HEATR4: variants seen among roughly 807,000 people sequenced by gnomAD.
HEATR4 encodes the protein HEAT repeat-containing protein 4.
HEATR4 carries 95 observed loss-of-function variants against 108.8 expected under a neutral mutation model. The observed-to-expected ratio is 0.87, with a 90% CI of 0.74 to 1.04. The LOEUF is 1.04. Ranked by LOEUF, HEATR4 falls within the 50% of genes least tolerant of loss-of-function variation. The probability of loss-of-function intolerance (pLI) is 0.00; values close to 1 mark genes in which losing one functional copy is unlikely to be tolerated. For missense variants in HEATR4, 1,152 were observed against 1,253.8 expected, an observed-to-expected ratio of 0.92 and a Z score of 1.23; for synonymous variants, 443 against 459.4, an observed-to-expected ratio of 0.96 and a Z score of 0.46.
rs866713722 is a variant in HEATR4, at chr14:73,531,971, G to A, written c.-151-1727C>T. Among the ~76,000 whole-genome samples the A allele has an allele frequency of 8.4e-4, 97 of 115,152 alleles. 20 individuals carry two copies. Among genetic ancestry groups the A allele is most frequent in the African/African-American group, 2.6e-3 (94 of 35,516 alleles). The allele number at this position is 115,152 out of a possible 152,430, so 75.5% of individuals were successfully genotyped here. ...CGCCTGGACCCAGGAAGCAGAGGTT[G>A]CAGTGAGCCAAGATCAGGCCATTGC... is the stretch of plus-strand genomic sequence containing the variant. On this transcript the variant is annotated intron_variant, in intron 1 of 17. Transcript: ENST00000553558.
the HEATR4 span, among the ~76,000 whole-genome samples, chr14:73,594,371 G>C: frequency 6.6e-6 from 1 of 152,306 alleles, no homozygotes; most frequent in East Asian, 1.9e-4. Context: ...ACTATTGGAT[G>C]CATTGCCACA....
intron 1 of HEATR4, among the ~76,000 whole-genome samples, chr14:73,538,934 C>G (rs2140311573): frequency 8.7e-6 from 1 of 115,452 alleles, no homozygotes; most frequent in African/African-American, 2.8e-5. Context: ...CGCCATTGTA[C>G]TCCAGCCTGG....
At chr14:73,491,346 C>G in intron 17 of HEATR4, 1 of 1,440,070 alleles carries the variant, frequency 6.9e-7, no homozygotes, top group Non-Finnish European at 9.1e-7. Context: ...GAGGCCTCGC[C>G]CGCCGCGCGC....
chr14:73,593,764 C>A, the HEATR4 span: 2 of 1,613,778 alleles, frequency 1.2e-6, no homozygotes, highest in Non-Finnish European at 1.7e-6. Context: ...CTTGGAATAT[C>A]GAGCCAGCCT....
chr14:73,594,706 T>TTATTTATTTATC, the HEATR4 span, among the ~76,000 whole-genome samples: 38 of 150,942 alleles, frequency 2.5e-4, no homozygotes, highest in African/African-American at 9.0e-4. Flanking sequence ...ATTTATTTAT[T>TTATTTATTTATC]TATTTATCTT....
chr14:73,567,863 G>A, the HEATR4 span: 1 of 152,018 alleles, frequency 6.6e-6, no homozygotes, highest in Non-Finnish European at 1.5e-5. Flanking sequence ...CTTTACTCTT[G>A]AAGTCGGTGA....
At chr14:73,529,395 T>A (rs1466275565) in intron 2 of HEATR4, among the ~76,000 whole-genome samples, 4 of 147,826 alleles carry the variant, frequency 2.7e-5, no homozygotes, top group Non-Finnish European at 6.0e-5. Flanking sequence ...AATCCTGGCA[T>A]AACTGCAGAC....
the HEATR4 span, chr14:73,591,927 C>T: frequency 1.5e-6 from 2 of 1,358,036 alleles, no homozygotes; most frequent in Non-Finnish European, 9.5e-7. Flanking sequence ...GGTCTCGGGC[C>T]TCGACCTTTG....
chr14:73,574,420 A>C, the HEATR4 span: 1 of 242,038 alleles, frequency 4.1e-6, no homozygotes, highest in South Asian at 5.5e-5. Context: ...ACGTGCCACT[A>C]CTGCCCGGCT....
chr14:73,615,682 G>A, the HEATR4 span, among the ~76,000 whole-genome samples: 2 of 151,832 alleles, frequency 1.3e-5, no homozygotes, highest in African/African-American at 4.8e-5. Flanking sequence ...GCAGTGAGCC[G>A]AGATCGCACC....
At chr14:73,573,483 G>C in the HEATR4 span, 12 of 1,613,748 alleles carry the variant, frequency 7.4e-6, no homozygotes, top group Admixed American at 1.2e-4. Flanking sequence ...GGGTTTTGCT[G>C]TGATGGCTCT....
In HEATR4 at chr14:73,542,403, C is replaced by CTTTT. The variant is rs57839054; in HGVS notation, c.-151-12163_-151-12160dup. ...TTAAATTCCAGTATGTTTTTTCTTT[C>CTTTT]TTTTTTTTTTTTTTTTTTTAAGACG... On this transcript the variant is annotated intron_variant, in intron 1 of 17. Transcript: ENST00000553558. Among the ~76,000 whole-genome samples, 7 of 83,464 alleles carry CTTTT rather than the reference C, an allele frequency of 8.4e-5. 2 individuals are homozygous for CTTTT. The highest frequency in any genetic ancestry group is 2.0e-4 in the African/African-American group (5 of 24,608). The allele number at this position is 83,464 out of a possible 152,430, so 54.8% of individuals were successfully genotyped here.
the HEATR4 span, among the ~76,000 whole-genome samples, chr14:73,622,562 G>A: frequency 2.6e-5 from 4 of 151,844 alleles, no homozygotes; most frequent in Non-Finnish European, 5.9e-5. Flanking sequence ...CACCACACCC[G>A]GCTAATTTTG....
the HEATR4 span, among the ~76,000 whole-genome samples, chr14:73,593,336 CT>C: frequency 0.073 from 7,661 of 104,704 alleles, 107 homozygotes; most frequent in Non-Finnish European, 0.087. Context: ...TTCTTTCTTT[CT>C]TTTTTTTTTT....
Position 73,520,896 on chromosome 14 carries a change from A to G in HEATR4, c.1025T>C (p.Phe342Ser). 1 of 1,614,088 alleles carries G rather than the reference A, an allele frequency of 6.2e-7. No homozygotes were observed. The highest frequency in any genetic ancestry group is 1.1e-5 in the South Asian group (1 of 91,078). Residue 342 changes from phenylalanine to serine, a missense_variant, in exon 4 of 18, where the codon TTT (phenylalanine) becomes TCT (serine). By Grantham distance (155) the Phe-to-Ser change is radical (BLOSUM62 -2). Coordinates refer to ENST00000553558, the MANE Select transcript of HEATR4 (RefSeq NM_001220484.1). ...FRQVTPRAGK[F>S]AYSTDNTFEQ... ...AAAGGTGTTGTCTGTGGAGTAGGCA[A>G]ACTTTCCAGCTCGGGGAGTCACCTG...
the HEATR4 span, chr14:73,595,563 C>T: frequency 6.3e-7 from 1 of 1,598,974 alleles, no homozygotes; most frequent in African/African-American, 1.3e-5. Context: ...AGGGCTCATT[C>T]TAAGGCCCAG....
intron 3 of HEATR4, 28 bp from the exon 4 acceptor site, chr14:73,521,067 A>C: frequency 1.3e-6 from 2 of 1,592,036 alleles, no homozygotes; most frequent in Non-Finnish European, 1.7e-6. Context: ...AGGAGGGAAA[A>C]GGGGGAAAGA....
chr14:73,515,102 A>G (rs577789038), intron 5 of HEATR4, among the ~76,000 whole-genome samples: 2 of 151,920 alleles, frequency 1.3e-5, no homozygotes, highest in East Asian at 3.9e-4. Flanking sequence ...CTATAGTTAT[A>G]TTTTCTGAAC....
the HEATR4 span, among the ~76,000 whole-genome samples, chr14:73,604,749 A>C: frequency 6.6e-6 from 1 of 152,154 alleles, no homozygotes; most frequent in Admixed American, 6.5e-5. Context: ...TGGCCTCCCA[A>C]GTGCTGGGAT....
Sources: gnomAD v4.1 joint callset for allele counts (sites outside exome capture counted in the v4.1 genomes callset) on GRCh38, gnomAD v4.1.1 for gene constraint, MANE v1.5 for transcripts, NCBI Gene and HGNC (gene_info 2026-07-23, HGNC 2026-07-21) for gene names.